FNDC3B: variants seen among roughly 807,000 people sequenced by gnomAD.
FNDC3B encodes the protein fibronectin type III domain containing 3B, also known as fibronectin type III domain-containing protein 3B.
A neutral mutation model predicts 151.5 loss-of-function variants in FNDC3B; 12 were observed. The ratio of observed to expected loss-of-function variants is 0.08; its 90% CI spans 0.05 to 0.13. The LOEUF (loss-of-function observed/expected upper bound fraction) is 0.13. FNDC3B is among the 10% of genes least tolerant of loss of function. FNDC3B has a pLI of 1.00. For synonymous variants in FNDC3B, 528 were observed against 549.0 expected, an observed-to-expected ratio of 0.96 and a Z score of 0.54; for missense variants, 1,214 against 1,505.3, an observed-to-expected ratio of 0.81 and a Z score of 3.20.
intron 3 of FNDC3B, among the ~76,000 whole-genome samples, chr3:172,168,224 A>G (rs1723104736): frequency 6.6e-6 from 1 of 152,258 alleles, no homozygotes; most frequent in African/African-American, 2.4e-5. Flanking sequence ...GCTGTTATAC[A>G]TATTGCCATA....
At chr3:172,086,482 G>C (rs1443974147) in intron 1 of FNDC3B, among the ~76,000 whole-genome samples, 1 of 152,096 alleles carries the variant, frequency 6.6e-6, no homozygotes, top group African/African-American at 2.4e-5. Flanking sequence ...CTTGTGTTTT[G>C]TTATTATATG....
intron 25 of FNDC3B, among the ~76,000 whole-genome samples, chr3:172,392,878 C>G (rs1351118505): frequency 2.2e-4 from 29 of 134,326 alleles, no homozygotes; most frequent in African/African-American, 7.8e-4. Flanking sequence ...ACAATCTCGG[C>G]TCACTAAAAC....
At chr3:172,188,466 C>T (rs1198882247) in intron 3 of FNDC3B, among the ~76,000 whole-genome samples, 3 of 151,848 alleles carry the variant, frequency 2.0e-5, no homozygotes, top group East Asian at 1.9e-4. Flanking sequence ...AGTGTAGCGA[C>T]GCGATCTTGG....
chr3:172,041,102 C>T (rs986529680), intron 1 of FNDC3B, among the ~76,000 whole-genome samples: 2 of 152,168 alleles, frequency 1.3e-5, no homozygotes, highest in African/African-American at 2.4e-5. Flanking sequence ...TAGAATTTGG[C>T]CGCAATGGGC....
chr3:172,126,137 A>G (rs2108562226), intron 2 of FNDC3B, among the ~76,000 whole-genome samples: 1 of 151,950 alleles, frequency 6.6e-6, no homozygotes, highest in African/African-American at 2.4e-5. Flanking sequence ...CCTGGACATT[A>G]TTTGTCCCAG....
intron 4 of FNDC3B, among the ~76,000 whole-genome samples, chr3:172,230,779 T>A (rs1726849436): frequency 6.6e-6 from 1 of 152,184 alleles, no homozygotes; most frequent in East Asian, 1.9e-4. Context: ...AATACCTTAA[T>A]GTGCTAGGAT....
At chr3:172,301,137 A>G (rs1306039626) in intron 9 of FNDC3B, among the ~76,000 whole-genome samples, 1 of 152,248 alleles carries the variant, frequency 6.6e-6, no homozygotes, top group South Asian at 2.1e-4. Context: ...TGAGAATGAT[A>G]ATGATACCAG....
chr3:172,058,846 A>G (rs891510937), intron 1 of FNDC3B, among the ~76,000 whole-genome samples: 4 of 152,212 alleles, frequency 2.6e-5, no homozygotes, highest in African/African-American at 9.7e-5. Context: ...TTGACTGTAC[A>G]TATAGAGCTT....
chr3:172,365,793 C>G (rs925394802), intron 23 of FNDC3B, among the ~76,000 whole-genome samples: 3 of 152,138 alleles, frequency 2.0e-5, no homozygotes, highest in African/African-American at 7.2e-5. Context: ...TTTAAGTGTT[C>G]TTCTTAACAC....
intron 15 of FNDC3B, 56 bp from the exon 16 acceptor site, chr3:172,337,274 T>A: frequency 1.6e-6 from 2 of 1,217,354 alleles, no homozygotes; most frequent in Admixed American, 3.5e-5. Context: ...TGATGATGTT[T>A]ACCAATAAAA....
rs1050915268 is a variant in FNDC3B, at chr3:172,310,512, G to A, written c.1201-316G>A. Among the ~76,000 whole-genome samples, 72 of 152,216 alleles carry A rather than the reference G, an allele frequency of 4.7e-4. 1 individual carries two copies. Among genetic ancestry groups the A allele is most frequent in the African/African-American group, 1.6e-3 (68 of 41,458 alleles). ...TTCTCACTCTACGCTTGAATTCAAAGTCCCTCTTCAAAGTCCTATCCCCAG... is the reference window on the plus strand; with the variant it reads ...TTCTCACTCTACGCTTGAATTCAAAATCCCTCTTCAAAGTCCTATCCCCAG... On this transcript the variant is annotated intron_variant, in intron 10 of 25. Coordinates refer to ENST00000415807, the MANE Select transcript of FNDC3B (RefSeq NM_022763.4).
chr3:172,061,860 G>C (rs973465476), intron 1 of FNDC3B, among the ~76,000 whole-genome samples: 1 of 152,088 alleles, frequency 6.6e-6, no homozygotes, highest in Non-Finnish European at 1.5e-5. Flanking sequence ...TAACTAAGTC[G>C]GGGCAAAGAA....
intron 3 of FNDC3B, among the ~76,000 whole-genome samples, chr3:172,149,042 A>G (rs950493855): frequency 3.9e-5 from 6 of 152,242 alleles, no homozygotes; most frequent in Non-Finnish European, 7.3e-5. Context: ...GTAGCTCTGG[A>G]TAATGTATTT....
chr3:172,142,352 A>G (rs1721667096), intron 3 of FNDC3B, among the ~76,000 whole-genome samples: 1 of 152,248 alleles, frequency 6.6e-6, no homozygotes, highest in Non-Finnish European at 1.5e-5. Flanking sequence ...AAAGTTATGC[A>G]ATCGCAGTTT....
chr3:172,347,167 TC>T, intron 20 of FNDC3B, 44 bp from the exon 21 acceptor site: 1 of 1,560,370 alleles, frequency 6.4e-7, no homozygotes, highest in Non-Finnish European at 8.7e-7. Flanking sequence ...AGTAGGATTC[TC>T]TTCTCAGTGG....
rs1446863665 is a variant in FNDC3B at position 172,381,052 on chromosome 3, A to G, written c.3262A>G (p.Ile1088Val). The change falls in exon 25 of 26, where the codon ATT (isoleucine) becomes GTT (valine). Residue 1088 changes from isoleucine (I) to valine (V), a missense_variant. Physicochemically the swap from Ile to Val is conservative, Grantham distance 29. Coordinates refer to ENST00000415807, the MANE Select transcript of FNDC3B (RefSeq NM_022763.4). ...PSMKGDPVNY[I>V]LQVLVGRESE... ...AATGAAAGGTGACCCTGTTAACTAC[A>G]TTCTGCAGGTATTGGTTGGAAGAGA... is the stretch of plus-strand genomic sequence containing the variant. 4.3e-6 allele frequency: 7 copies of G among 1,613,858 alleles called. No homozygotes were observed. The Middle Eastern group carries it at 5.0e-4, about 114-fold the overall frequency.
At chr3:172,305,965 G>A (rs552316844) in intron 9 of FNDC3B, among the ~76,000 whole-genome samples, 1 of 152,256 alleles carries the variant, frequency 6.6e-6, no homozygotes, top group African/African-American at 2.4e-5. Context: ...GCATCCCAAT[G>A]ATAAGCATTA....
chr3:172,250,141 A>T (rs1223284585), intron 5 of FNDC3B, among the ~76,000 whole-genome samples: 1 of 152,226 alleles, frequency 6.6e-6, no homozygotes, highest in African/African-American at 2.4e-5. Context: ...TGATTTAAAA[A>T]TTTAAATTTA....
At chr3:172,340,895 A>G (rs1733277277) in intron 16 of FNDC3B, among the ~76,000 whole-genome samples, 1 of 152,336 alleles carries the variant, frequency 6.6e-6, no homozygotes, top group East Asian at 1.9e-4. Context: ...TTGTGGTGAT[A>G]ATAGGTAGTC....
Sources: allele counts gnomAD v4.1 joint callset (sites outside exome capture counted in the v4.1 genomes callset), GRCh38; gene constraint gnomAD v4.1.1; transcripts MANE v1.5; gene names NCBI Gene and HGNC (gene_info 2026-07-23, HGNC 2026-07-21).